Variants in PPIE observed in about 807,000 individuals in gnomAD.
PPIE encodes peptidyl-prolyl cis-trans isomerase E.
PPIE carries 20 observed loss-of-function variants against 38.4 expected under a neutral mutation model. The ratio of observed to expected loss-of-function variants is 0.52; its 90% confidence interval spans 0.37 to 0.76. The LOEUF (loss-of-function observed/expected upper bound fraction) is 0.76, where lower values mean the gene tolerates loss of function less well. Among genes scored for constraint, PPIE ranks in the 30% least tolerant of loss-of-function variants. The pLI is 0.00. For synonymous variants in PPIE, 142 were observed against 135.7 expected, an observed-to-expected ratio of 1.05 and a Z score of -0.32; for missense variants, 322 against 385.8, an observed-to-expected ratio of 0.83 and a Z score of 1.39.
chr1:39,760,887 TGTG>T (rs1648873015), downstream of PPIE, among the ~76,000 whole-genome samples: 1 of 152,022 alleles, frequency 6.6e-6, no homozygotes, highest in African/African-American at 2.4e-5. Context: ...AGGAGAACTG[TGTG>T]GCCAGGTTTG....
Position 39,752,869 on chromosome 1 carries a change from T to C in PPIE, c.695-41T>C, listed in dbSNP as rs920792191. On this transcript the variant is annotated intron_variant, in intron 8 of 9. Coordinates refer to ENST00000324379, the MANE Select transcript of PPIE (RefSeq NM_006112.4). ...TGCACAGACGTCCTTTAAGGGCTGG[T>C]AGCCAGGGTTCGGGGAGCTGATGGT... 1.9e-6 allele frequency: 3 copies of C among 1,592,562 alleles called. No homozygotes were observed. The African/African-American group carries it at 4.1e-5, about 22-fold the overall frequency.
At chr1:39,750,687 C>T (rs571191316) in intron 8 of PPIE, among the ~76,000 whole-genome samples, 2 of 152,318 alleles carry the variant, frequency 1.3e-5, no homozygotes, top group South Asian at 4.1e-4. Flanking sequence ...AGGACTCCTG[C>T]CTCTTCTTGT....
At chr1:39,748,848 T>G in intron 7 of PPIE, 55 bp from the exon 8 acceptor site, 1 of 1,538,554 alleles carries the variant, frequency 6.5e-7, no homozygotes, top group Non-Finnish European at 8.8e-7. Flanking sequence ...TTTTTCGAGG[T>G]TTTTTATTTT....
Position 39,755,708 on chromosome 1 carries a change from T to A in PPIE, c.*2353T>A. ...GTTCCTCCCTGATACTCTGGGGAGG[T>A]GGAGGCCAGTGGGCAGTTCTGAAAG... On this transcript the variant is annotated 3_prime_UTR_variant, in exon 10 of 10. Coordinates refer to ENST00000324379, the MANE Select transcript of PPIE (RefSeq NM_006112.4). 1 of 985,150 alleles carries A rather than the reference T, an allele frequency of 1.0e-6. No individual in the cohort carries two copies. Among genetic ancestry groups the A allele is most frequent in the Non-Finnish European group, 1.2e-6 (1 of 829,878 alleles). The allele number at this position is 985,150 out of a possible 1,614,324, so 61.0% of individuals were successfully genotyped here.
chr1:39,760,563 GTGCACC>G (rs1557467308), downstream of PPIE: 1 of 1,613,636 alleles, frequency 6.2e-7, no homozygotes, highest in African/African-American at 1.3e-5. Flanking sequence ...GCATCATCAG[GTGCACC>G]TGGCCAGGAA....
chr1:39,760,023 G>GGTC, downstream of PPIE: 1 of 242,714 alleles, frequency 4.1e-6, no homozygotes, highest in Non-Finnish European at 8.2e-6. Context: ...AGCTCAAGGT[G>GGTC]GCCAACAGTG....
In PPIE at chr1:39,748,959, T is replaced by C; in HGVS notation, c.565T>C (p.Phe189Leu). Residue 189 changes from phenylalanine (F) to leucine (L), a missense_variant, in exon 8 of 10, where the codon TTC becomes CTC. By Grantham distance (22) the Phe-to-Leu change is conservative. Transcript: ENST00000324379. ...GGGCTTTGGCTTTAAGGGAAGCAGC[T>C]TCCACCGCATCATCCCCCAGTTCAT... Reference protein sequence around the residue: ...EKGFGFKGSSFHRIIPQFMCQ... With the variant: ...EKGFGFKGSSLHRIIPQFMCQ... 6.2e-7 allele frequency: 1 copy of C among 1,614,126 alleles called. No individual in the cohort carries two copies. The highest frequency in any genetic ancestry group is 8.5e-7 in the Non-Finnish European group (1 of 1,180,002).
chr1:39,759,670 G>C (rs1648679463), downstream of PPIE: 1 of 152,296 alleles, frequency 6.6e-6, no homozygotes, highest in Admixed American at 6.5e-5. Flanking sequence ...CATGGTGGCA[G>C]ATAGATGGGT....
chr1:39,738,936 G>C lies in PPIE; in HGVS notation c.31+5G>C. The C allele has an allele frequency of 6.7e-7, 1 of 1,481,538 alleles. No individual in the cohort carries two copies. The highest frequency in any genetic ancestry group is 9.0e-7 in the Non-Finnish European group (1 of 1,115,762). 91.8% of individuals were successfully genotyped at this position (1,481,538 alleles called of 1,614,324 possible). A position where few individuals can be genotyped will look rare whatever the true frequency, so the allele number is the denominator to read the frequency against. Reference sequence around the variant, plus strand: ...CCAAGCGCGTCTTGTACGTGGGTGAGCAGGAGGGGTTGCTAGGCGGAGTCT... The same window carrying C: ...CCAAGCGCGTCTTGTACGTGGGTGACCAGGAGGGGTTGCTAGGCGGAGTCT... On this transcript the variant is annotated splice_donor_5th_base_variant and intron_variant, in intron 1 of 9. Transcript: ENST00000324379.
chr1:39,761,316 C>A (rs560394388), downstream of PPIE: 1 of 152,934 alleles, frequency 6.5e-6, no homozygotes, highest in South Asian at 2.1e-4. Flanking sequence ...CCTGGCTCAA[C>A]CTCCACCTCC....
intron 6 of PPIE, among the ~76,000 whole-genome samples, chr1:39,744,702 A>G (rs1647150108): frequency 6.6e-6 from 1 of 152,028 alleles, no homozygotes; most frequent in Admixed American, 6.5e-5. Flanking sequence ...TGTGTTCTCA[A>G]TCTTGGCTAA....
Position 39,738,907 on chromosome 1 carries a change from A to G in PPIE, c.7A>G (p.Thr3Ala), listed in dbSNP as rs745833279. ...GGAAAAGCGCGCGAGCAAGATGGCC[A>G]CCACCAAGCGCGTCTTGTACGTGGG... MATTKRVLYVGGL... is the reference protein window; with the variant it reads MAATKRVLYVGGL... The change falls in exon 1 of 10, where the codon ACC becomes GCC. Residue 3 changes from threonine (T) to alanine (A), a missense_variant. By Grantham distance (58) the Thr-to-Ala change is moderately conservative. Coordinates refer to ENST00000324379, the MANE Select transcript of PPIE (RefSeq NM_006112.4). The G allele has an allele frequency of 6.0e-6, 9 of 1,508,078 alleles. No individual in the cohort carries two copies. Among genetic ancestry groups the G allele is most frequent in the East Asian group, 2.7e-5 (1 of 37,376 alleles). 93.4% of individuals were successfully genotyped at this position (1,508,078 alleles called of 1,614,324 possible). A position where few individuals can be genotyped will look rare whatever the true frequency, so the allele number is the denominator to read the frequency against.
chr1:39,745,188 A>T (rs975790288), intron 6 of PPIE, among the ~76,000 whole-genome samples, 187 bp from the exon 7 acceptor site: 2 of 152,192 alleles, frequency 1.3e-5, no homozygotes, highest in African/African-American at 4.8e-5. Context: ...GTCGCTGGGC[A>T]TCCAGCTGGG....
chr1:39,746,918 T>G (rs946873111), intron 7 of PPIE: 1 of 152,250 alleles, frequency 6.6e-6, no homozygotes, highest in African/African-American at 2.4e-5. Flanking sequence ...TGAATCATCC[T>G]AAACAAAACC....
At chr1:39,748,695 A>G (rs41267029) in intron 7 of PPIE, 182,522 of 539,958 alleles carry the variant, frequency 0.34, 32,051 homozygotes, top group South Asian at 0.39. Flanking sequence ...AGATTGTGCC[A>G]TTGCACTGCA....
In PPIE at chr1:39,756,099, G is replaced by A; in HGVS notation, c.*2744G>A. On this transcript the variant is annotated 3_prime_UTR_variant, in exon 10 of 10. Coordinates refer to ENST00000324379, the MANE Select transcript of PPIE (RefSeq NM_006112.4). ...AGAAGGGAGGGGAGCCCCAGAGCTG[G>A]GCAGTGGCATGCCCCACAGCCTGGC... is the stretch of plus-strand genomic sequence containing the variant. 1 of 985,404 alleles carries A rather than the reference G, an allele frequency of 1.0e-6. No homozygotes were observed. Among genetic ancestry groups the A allele is most frequent in the Non-Finnish European group, 1.2e-6 (1 of 829,936 alleles). 61.0% of individuals were successfully genotyped at this position (985,404 alleles called of 1,614,324 possible).
At chr1:39,750,413 C>T (rs1647598805) in intron 8 of PPIE, among the ~76,000 whole-genome samples, 1 of 152,200 alleles carries the variant, frequency 6.6e-6, no homozygotes, top group Non-Finnish European at 1.5e-5. Context: ...GCATTTCATA[C>T]TACAGGTTGA....
intron 9 of PPIE, chr1:39,762,978 G>GC: frequency 7.6e-7 from 1 of 1,316,062 alleles, no homozygotes; most frequent in Non-Finnish European, 1.1e-6. Flanking sequence ...TGCAGACAAA[G>GC]CCCCCTGAGA....
At chr1:39,741,450 A>G (rs1557441776) in intron 3 of PPIE, 41 bp downstream of exon 3, 4 of 1,599,838 alleles carry the variant, frequency 2.5e-6, no homozygotes. Context: ...TTGGTTTGTG[A>G]TGTTGTTACT....
Sources: gnomAD v4.1 joint callset for allele counts (sites outside exome capture counted in the v4.1 genomes callset) on GRCh38, gnomAD v4.1.1 for gene constraint, MANE v1.5 for transcripts, NCBI Gene and HGNC (gene_info 2026-07-23, HGNC 2026-07-21) for gene names.